GABRB2: variants seen among roughly 807,000 people sequenced by gnomAD.
GABRB2 encodes gamma-aminobutyric acid receptor subunit beta-2.
Under a neutral mutation model 54.7 loss-of-function variants are expected in GABRB2, and 16 were observed. The observed-to-expected ratio is 0.29, with a 90% CI of 0.20 to 0.44. The LOEUF is 0.44. Among genes scored for constraint, GABRB2 ranks in the 20% least tolerant of loss-of-function variants. GABRB2 has a pLI of 1.00. For missense variants in GABRB2, 355 were observed against 644.0 expected (o/e 0.55, Z 4.86); for synonymous variants, 244 against 233.8 (o/e 1.04, Z -0.40).
At chr5:161,319,981 C>T (rs571429859) in intron 9 of GABRB2, among the ~76,000 whole-genome samples, 1 of 151,130 alleles carries the variant, frequency 6.6e-6, no homozygotes, top group East Asian at 2.0e-4. Flanking sequence ...CTTTTAATTT[C>T]CCCTTAATGT....
At chr5:161,473,941 T>C (rs1374986999) in intron 3 of GABRB2, among the ~76,000 whole-genome samples, 1 of 151,802 alleles carries the variant, frequency 6.6e-6, no homozygotes. Flanking sequence ...AGAGAAAAAG[T>C]ATAAACAAGG....
intron 3 of GABRB2, among the ~76,000 whole-genome samples, chr5:161,542,738 A>G (rs1760859205): frequency 6.6e-6 from 1 of 152,226 alleles, no homozygotes; most frequent in East Asian, 1.9e-4. Flanking sequence ...TGCAGTCCAC[A>G]AAGGATAATG....
At chr5:161,369,350 T>C (rs528505229) in intron 5 of GABRB2, among the ~76,000 whole-genome samples, 2 of 152,214 alleles carry the variant, frequency 1.3e-5, no homozygotes, top group Admixed American at 6.5e-5. Context: ...GACAGTTCTA[T>C]TTTTGACTCT....
chr5:161,520,459 T>G (rs546861439), intron 3 of GABRB2, among the ~76,000 whole-genome samples: 2 of 152,266 alleles, frequency 1.3e-5, no homozygotes, highest in African/African-American at 4.8e-5. Context: ...ATCCTATTTT[T>G]TATTTTAGTC....
At chr5:161,388,174 G>T (rs1271285903) in intron 5 of GABRB2, among the ~76,000 whole-genome samples, 2 of 152,098 alleles carry the variant, frequency 1.3e-5, no homozygotes, top group Non-Finnish European at 2.9e-5. Context: ...TTCCTCTAAA[G>T]TGACTTTATG....
At chr5:161,486,058 G>A (rs143059673) in intron 3 of GABRB2, among the ~76,000 whole-genome samples, 15 of 152,012 alleles carry the variant, frequency 9.9e-5, no homozygotes, top group African/African-American at 2.9e-4. Context: ...GGGACAATAC[G>A]TTCCCTCTTT....
intron 2 of GABRB2, among the ~76,000 whole-genome samples, chr5:161,545,561 T>C (rs1287701232): frequency 6.6e-6 from 1 of 152,088 alleles, no homozygotes; most frequent in Non-Finnish European, 1.5e-5. Flanking sequence ...TGTCTCAGCA[T>C]GTGAATGCAC....
chr5:161,484,867 C>A (rs1758870501), intron 3 of GABRB2, among the ~76,000 whole-genome samples: 2 of 151,912 alleles, frequency 1.3e-5, no homozygotes, highest in African/African-American at 4.8e-5. Flanking sequence ...ACTGCATCAC[C>A]CTGCTTACAA....
intron 5 of GABRB2, among the ~76,000 whole-genome samples, chr5:161,349,584 T>G (rs1455581105): frequency 6.6e-6 from 1 of 152,080 alleles, no homozygotes; most frequent in African/African-American, 2.4e-5. Flanking sequence ...CCTTCTGAGA[T>G]TAGGTTATAA....
intron 9 of GABRB2, among the ~76,000 whole-genome samples, chr5:161,321,839 A>T (rs1453320382): frequency 3.9e-5 from 6 of 152,122 alleles, no homozygotes; most frequent in Non-Finnish European, 1.5e-5. Context: ...TATAATTTTT[A>T]ATCTTGGAAC....
intron 5 of GABRB2, among the ~76,000 whole-genome samples, chr5:161,406,748 G>T (rs143109455): frequency 5.0e-4 from 76 of 152,090 alleles, no homozygotes; most frequent in African/African-American, 1.7e-3. Flanking sequence ...AGCAACAATT[G>T]GTTTCTGATG....
intron 5 of GABRB2, among the ~76,000 whole-genome samples, chr5:161,386,049 T>C (rs778882069): frequency 3.3e-5 from 5 of 151,814 alleles, no homozygotes; most frequent in Non-Finnish European, 7.4e-5. Flanking sequence ...TCTCCCTTTA[T>C]GTCCAAGTTA....
At chr5:161,523,759 T>C (rs1165087252) in intron 3 of GABRB2, among the ~76,000 whole-genome samples, 2 of 151,106 alleles carry the variant, frequency 1.3e-5, no homozygotes, top group Non-Finnish European at 3.0e-5. Flanking sequence ...GAATATTCTA[T>C]TGTCACCTCC....
intron 5 of GABRB2, among the ~76,000 whole-genome samples, chr5:161,356,620 C>T (rs1046128820): frequency 3.9e-5 from 6 of 151,984 alleles, no homozygotes; most frequent in African/African-American, 9.7e-5. Context: ...TTGGAAAGGG[C>T]GGAGAGGATA....
At chr5:161,391,708 C>T (rs1189861755) in intron 5 of GABRB2, among the ~76,000 whole-genome samples, 1 of 152,104 alleles carries the variant, frequency 6.6e-6, no homozygotes, top group African/African-American at 2.4e-5. Flanking sequence ...AAACATGTTT[C>T]ATTATTTCTC....
intron 3 of GABRB2, among the ~76,000 whole-genome samples, chr5:161,462,198 C>T (rs1462555776): frequency 3.9e-5 from 6 of 152,152 alleles, no homozygotes; most frequent in Non-Finnish European, 7.3e-5. Context: ...GTGAAATTCG[C>T]TTTAGCGGAT....
intron 3 of GABRB2, among the ~76,000 whole-genome samples, chr5:161,499,627 C>T (rs1759365819): frequency 6.6e-6 from 1 of 152,148 alleles, no homozygotes; most frequent in South Asian, 2.1e-4. Flanking sequence ...CTAAACAAAA[C>T]TAAAATACAA....
chr5:161,351,876 T>TA (rs1046378528), intron 5 of GABRB2, among the ~76,000 whole-genome samples: 1 of 151,818 alleles, frequency 6.6e-6, no homozygotes, highest in Non-Finnish European at 1.5e-5. Context: ...ATAATCCAAT[T>TA]AAAAAATGGG....
rs529981939 is a variant in GABRB2 at position 161,322,332 on chromosome 5, C to T, written c.1191+4036G>A. Among the ~76,000 whole-genome samples, 16 of 152,194 alleles carry T rather than the reference C, an allele frequency of 1.1e-4. 1 individual carries two copies. The South Asian group carries it at 3.3e-3, about 32-fold the overall frequency. ...CGCGCTGCAACCTCCACCTTCGAGG[C>T]TCAAACAATTCTCCTGCCTCTGCCT... On this transcript the variant is annotated intron_variant, in intron 9 of 9. Transcript: ENST00000393959.
Sources: gnomAD v4.1 joint callset for allele counts (sites outside exome capture counted in the v4.1 genomes callset) on GRCh38, gnomAD v4.1.1 for gene constraint, MANE v1.5 for transcripts, NCBI Gene and HGNC (gene_info 2026-07-23, HGNC 2026-07-21) for gene names.